The following KCNN2 variants were observed in gnomAD, a reference collection of about 807,000 sequenced individuals.
KCNN2 encodes small conductance calcium-activated potassium channel protein 2.
A neutral mutation model predicts 55.5 loss-of-function variants in KCNN2; 24 were observed. The ratio of observed to expected loss-of-function variants is 0.43; its 90% CI spans 0.31 to 0.61. The LOEUF is 0.61. Among genes scored for constraint, KCNN2 ranks in the 20% least tolerant of loss-of-function variants. KCNN2 has a pLI of 0.08. For missense variants in KCNN2, 754 were observed against 853.6 expected (o/e 0.88, Z 1.45); for synonymous variants, 431 against 336.1 (o/e 1.28, Z -3.09).
chr5:114,212,389 T>C (rs1019693030), intron 1 of KCNN2, among the ~76,000 whole-genome samples: 1 of 151,896 alleles, frequency 6.6e-6, no homozygotes, highest in African/African-American at 2.4e-5. Context: ...AGGGGTTGGG[T>C]GGAAATGTGT....
At chr5:114,336,680 G>A (rs1756929963) in intron 2 of KCNN2, among the ~76,000 whole-genome samples, 1 of 152,224 alleles carries the variant, frequency 6.6e-6, no homozygotes, top group Non-Finnish European at 1.5e-5. Context: ...ATGGGGTGCT[G>A]GGGATGGCTA....
At chr5:114,477,008 T>A (rs1761997544) in intron 5 of KCNN2, among the ~76,000 whole-genome samples, 3 of 152,248 alleles carry the variant, frequency 2.0e-5, no homozygotes, top group Admixed American at 2.0e-4. Context: ...AAAATAATTC[T>A]AAAATGCTGA....
intron 1 of KCNN2, among the ~76,000 whole-genome samples, chr5:114,090,575 ATG>A (rs1368594537): frequency 3.0e-5 from 3 of 99,680 alleles, no homozygotes; most frequent in Non-Finnish European, 7.2e-5. Flanking sequence ...ATATATATGT[ATG>A]TATATATATA....
chr5:114,470,467 T>C (rs1293846258), intron 4 of KCNN2, among the ~76,000 whole-genome samples: 1 of 152,134 alleles, frequency 6.6e-6, no homozygotes, highest in Non-Finnish European at 1.5e-5. Flanking sequence ...CGCTATACCA[T>C]ACAGCAGGTA....
chr5:114,119,180 A>G (rs1751778316), intron 1 of KCNN2, among the ~76,000 whole-genome samples: 1 of 152,196 alleles, frequency 6.6e-6, no homozygotes, highest in African/African-American at 2.4e-5. Context: ...AAAGCAATCC[A>G]GTGGGTCAGC....
intron 2 of KCNN2, among the ~76,000 whole-genome samples, chr5:114,244,522 G>A (rs1040725604): frequency 1.8e-4 from 28 of 151,856 alleles, no homozygotes; most frequent in Non-Finnish European, 3.2e-4. Context: ...GCTTGAACCC[G>A]GGAGGCGGAG....
chr5:114,313,442 T>C (rs1756443595), intron 2 of KCNN2, among the ~76,000 whole-genome samples: 1 of 152,162 alleles, frequency 6.6e-6, no homozygotes, highest in East Asian at 1.9e-4. Context: ...ATAAGCTCAA[T>C]CCTGTATTAC....
intron 1 of KCNN2, among the ~76,000 whole-genome samples, chr5:114,163,497 A>G (rs1752840856): frequency 1.3e-5 from 2 of 152,164 alleles, no homozygotes; most frequent in Non-Finnish European, 2.9e-5. Flanking sequence ...TTTAATGTGA[A>G]TGGATATTGA....
intron 1 of KCNN2, among the ~76,000 whole-genome samples, chr5:114,140,259 A>G (rs1218715705): frequency 3.9e-5 from 6 of 152,214 alleles, no homozygotes; most frequent in African/African-American, 1.2e-4. Flanking sequence ...GATTTTGCTG[A>G]CATATAGTAC....
intron 1 of KCNN2, among the ~76,000 whole-genome samples, chr5:114,136,468 G>A (rs902028284): frequency 1.1e-4 from 16 of 152,132 alleles, no homozygotes; most frequent in African/African-American, 3.4e-4. Flanking sequence ...TGGTCAAATG[G>A]TGTTTTCTAA....
chr5:114,276,814 T>A (rs151250207), intron 2 of KCNN2, among the ~76,000 whole-genome samples: 15 of 152,256 alleles, frequency 9.9e-5, no homozygotes, highest in Non-Finnish European at 1.8e-4. Flanking sequence ...GTCTTTTGAT[T>A]GGGACATTTA....
chr5:114,224,803 G>C (rs1754208881), intron 2 of KCNN2, among the ~76,000 whole-genome samples: 1 of 152,182 alleles, frequency 6.6e-6, no homozygotes, highest in African/African-American at 2.4e-5. Context: ...GAAGAGTGTA[G>C]GCTTTGAGTC....
chr5:114,495,784 C>A, intron 7 of KCNN2, 111 bp from the exon 8 acceptor site: 1 of 954,022 alleles, frequency 1.0e-6, no homozygotes, highest in Non-Finnish European at 1.6e-6. Context: ...TAGCTGACAC[C>A]CCTGTTACAC....
At chr5:114,087,402 A>G (rs1751039324) in intron 1 of KCNN2, among the ~76,000 whole-genome samples, 1 of 152,132 alleles carries the variant, frequency 6.6e-6, no homozygotes, top group East Asian at 1.9e-4. Flanking sequence ...GGATTCTTAT[A>G]GTTTGATGTC....
chr5:114,335,333 A>G (rs957730633), intron 2 of KCNN2, among the ~76,000 whole-genome samples: 1 of 152,222 alleles, frequency 6.6e-6, no homozygotes, highest in Non-Finnish European at 1.5e-5. Flanking sequence ...GTAACAAACA[A>G]CCTTTACTAC....
chr5:114,344,074 G>A (rs186838912), intron 2 of KCNN2, among the ~76,000 whole-genome samples: 1 of 152,280 alleles, frequency 6.6e-6, no homozygotes, highest in Admixed American at 6.5e-5. Flanking sequence ...CAGAGATCTC[G>A]AGTTTAGCCT....
chr5:114,453,340 A>G (rs1288106174), intron 3 of KCNN2, among the ~76,000 whole-genome samples: 1 of 152,172 alleles, frequency 6.6e-6, no homozygotes, highest in Non-Finnish European at 1.5e-5. Flanking sequence ...TCCTCCCAAC[A>G]CACATACACA....
chr5:114,262,020 G>T (rs1436422787), intron 2 of KCNN2, among the ~76,000 whole-genome samples: 3 of 152,158 alleles, frequency 2.0e-5, no homozygotes, highest in Non-Finnish European at 4.4e-5. Context: ...CCTCAGGGTG[G>T]CATGGCCTTT....
intron 2 of KCNN2, among the ~76,000 whole-genome samples, chr5:114,321,751 C>T (rs191345658): frequency 5.9e-5 from 9 of 152,062 alleles, no homozygotes; most frequent in African/African-American, 2.2e-4. Context: ...CTCACTGCAT[C>T]CTCTGCCTCC....
Sources: allele counts gnomAD v4.1 joint callset (sites outside exome capture counted in the v4.1 genomes callset), GRCh38; gene constraint gnomAD v4.1.1; transcripts MANE v1.5; gene names NCBI Gene and HGNC (gene_info 2026-07-23, HGNC 2026-07-21).